Variants in KLF12 observed in about 807,000 individuals in gnomAD.
KLF12 encodes the protein Krueppel-like factor 12.
A neutral mutation model predicts 37.8 loss-of-function variants in KLF12; 9 were observed. The observed-to-expected ratio is 0.24, with a 90% CI of 0.14 to 0.42. KLF12 has a LOEUF of 0.42. Ranked by LOEUF, KLF12 falls within the 10% of genes least tolerant of loss-of-function variation. The pLI is 1.00. For missense variants in KLF12, 411 were observed against 516.0 expected, an observed-to-expected ratio of 0.80 and a Z score of 1.97; for synonymous variants, 208 against 202.1, an observed-to-expected ratio of 1.03 and a Z score of -0.25.
intron 1 of KLF12, among the ~76,000 whole-genome samples, chr13:74,059,954 G>A (rs1293748978): frequency 6.6e-6 from 1 of 152,092 alleles, no homozygotes; most frequent in Non-Finnish European, 1.5e-5. Flanking sequence ...GAGAGACAGG[G>A]GTCCAGTGTC....
At chr13:74,254,168 T>C in the KLF12 span, among the ~76,000 whole-genome samples, 295 of 152,326 alleles carry the variant, frequency 1.9e-3, no homozygotes, top group Non-Finnish European at 3.1e-3. Context: ...GAGTGGATTA[T>C]TTTGTTTTTG....
the KLF12 span, among the ~76,000 whole-genome samples, chr13:74,224,849 A>G: frequency 2.0e-5 from 3 of 152,186 alleles, no homozygotes; most frequent in Non-Finnish European, 4.4e-5. Context: ...CAGGAAAACC[A>G]TTTCAAGAAT....
At chr13:74,138,907 G>A (rs931765413), upstream of KLF12, among the ~76,000 whole-genome samples, 7 of 152,074 alleles carry the variant, frequency 4.6e-5, no homozygotes, top group African/African-American at 1.2e-4. Flanking sequence ...CACACCTTGC[G>A]ATGATCTTCC....
intron 3 of KLF12, among the ~76,000 whole-genome samples, chr13:73,878,826 C>T (rs755306181): frequency 6.6e-6 from 1 of 151,990 alleles, no homozygotes; most frequent in Non-Finnish European, 1.5e-5. Context: ...TGTGAGTAGG[C>T]AGGGGCACCC....
the KLF12 span, among the ~76,000 whole-genome samples, chr13:74,205,815 G>T: frequency 6.6e-6 from 1 of 151,952 alleles, no homozygotes; most frequent in Non-Finnish European, 1.5e-5. Context: ...GAAGGCTCAG[G>T]GTGGGCTGCA....
intron 6 of KLF12, among the ~76,000 whole-genome samples, chr13:73,749,746 T>C (rs988391343): frequency 1.3e-5 from 2 of 152,206 alleles, no homozygotes; most frequent in Non-Finnish European, 2.9e-5. Context: ...TCTTTTATAA[T>C]ACTATATGGA....
chr13:74,223,584 A>G, the KLF12 span, among the ~76,000 whole-genome samples: 1 of 152,160 alleles, frequency 6.6e-6, no homozygotes, highest in South Asian at 2.1e-4. Flanking sequence ...CTTCCCAGGG[A>G]TATGACCTGA....
At chr13:73,959,124 C>CAAAA (rs66521656) in intron 2 of KLF12, among the ~76,000 whole-genome samples, 11,383 of 87,296 alleles carry the variant, frequency 0.13, 1,098 homozygotes, top group Non-Finnish European at 0.18. Context: ...ACCCCCCTTC[C>CAAAA]AAAAAAAAAC....
the KLF12 span, among the ~76,000 whole-genome samples, chr13:74,289,855 G>C: frequency 6.6e-6 from 1 of 152,138 alleles, no homozygotes; most frequent in Non-Finnish European, 1.5e-5. Flanking sequence ...GAAAGGAAGA[G>C]ATATATCATT....
the KLF12 span, among the ~76,000 whole-genome samples, chr13:74,270,725 G>C: frequency 2.6e-5 from 4 of 152,274 alleles, no homozygotes; most frequent in African/African-American, 9.6e-5. Flanking sequence ...ATTGTAGCTG[G>C]TTGGGTAGAT....
At chr13:73,836,188 A>T (rs916373649) in intron 4 of KLF12, among the ~76,000 whole-genome samples, 3 of 152,202 alleles carry the variant, frequency 2.0e-5, no homozygotes, top group African/African-American at 7.2e-5. Flanking sequence ...TTTTTTATTT[A>T]TTGGATAGAA....
chr13:73,730,065 T>G (rs910465060), intron 6 of KLF12, among the ~76,000 whole-genome samples: 5 of 152,138 alleles, frequency 3.3e-5, no homozygotes, highest in Admixed American at 3.3e-4. Flanking sequence ...CAAGAGCACC[T>G]TCTTCAAAAA....
chr13:74,253,206 A>G, the KLF12 span, among the ~76,000 whole-genome samples: 7 of 152,256 alleles, frequency 4.6e-5, no homozygotes, highest in Non-Finnish European at 8.8e-5. Context: ...GTTAATCTAA[A>G]GCAACATTTT....
chr13:73,915,912 G>C (rs1206206170), intron 3 of KLF12, among the ~76,000 whole-genome samples: 1 of 151,712 alleles, frequency 6.6e-6, no homozygotes, highest in East Asian at 1.9e-4. Flanking sequence ...TCTTTTCCAT[G>C]CAATTTTTCT....
intron 3 of KLF12, among the ~76,000 whole-genome samples, chr13:73,926,170 G>A (rs931194239): frequency 3.3e-5 from 5 of 152,114 alleles, no homozygotes; most frequent in East Asian, 1.9e-4. Flanking sequence ...AAACACTATC[G>A]AATAGCATTG....
chr13:73,727,010 T>C (rs1876715702), intron 6 of KLF12, among the ~76,000 whole-genome samples: 1 of 152,194 alleles, frequency 6.6e-6, no homozygotes, highest in Non-Finnish European at 1.5e-5. Flanking sequence ...CTCACTGTAG[T>C]TTTGATGAGC....
chr13:74,050,298 T>C (rs1173949682), intron 1 of KLF12, among the ~76,000 whole-genome samples: 1 of 152,208 alleles, frequency 6.6e-6, no homozygotes, highest in Admixed American at 6.5e-5. Context: ...TACTACATTA[T>C]CGGTCTTGTA....
At chr13:74,244,832 C>G in the KLF12 span, among the ~76,000 whole-genome samples, 7 of 152,118 alleles carry the variant, frequency 4.6e-5, no homozygotes, top group African/African-American at 1.7e-4. Context: ...TTGAATTCCC[C>G]CAGCACATTA....
chr13:73,775,170 G>A (rs140738170), intron 5 of KLF12, among the ~76,000 whole-genome samples: 172 of 152,010 alleles, frequency 1.1e-3, no homozygotes, highest in African/African-American at 3.3e-3. Flanking sequence ...CACCCACCTC[G>A]GCCTCCCAAA....
Sources: gnomAD v4.1 joint callset for allele counts (sites outside exome capture counted in the v4.1 genomes callset) on GRCh38, gnomAD v4.1.1 for gene constraint, MANE v1.5 for transcripts, NCBI Gene and HGNC (gene_info 2026-07-23, HGNC 2026-07-21) for gene names.